The following FRMPD1 variants were observed in gnomAD, a reference collection of about 807,000 sequenced individuals.
The protein encoded by FRMPD1 is FERM and PDZ domain containing 1.
Under a neutral mutation model 117.8 loss-of-function variants are expected in FRMPD1, and 76 were observed. That is an observed-to-expected ratio of 0.65 (90% CI 0.54 to 0.78). The LOEUF (loss-of-function observed/expected upper bound fraction) is 0.78. FRMPD1 is among the 30% of genes least tolerant of loss of function. FRMPD1 has a pLI of 0.00. For synonymous variants in FRMPD1, 783 were observed against 770.4 expected, an observed-to-expected ratio of 1.02 and a Z score of -0.27; for missense variants, 1,786 against 1,964.5, an observed-to-expected ratio of 0.91 and a Z score of 1.72.
chr9:37,735,920 C>T (rs1219052535), intron 13 of FRMPD1, among the ~76,000 whole-genome samples, 186 bp downstream of exon 13: 2 of 152,038 alleles, frequency 1.3e-5, no homozygotes, highest in Non-Finnish European at 2.9e-5. Flanking sequence ...CTGAAGAGGT[C>T]CTAAAAGGTT....
At chr9:37,685,375 G>A (rs1343119203) in intron 1 of FRMPD1, among the ~76,000 whole-genome samples, 1 of 152,116 alleles carries the variant, frequency 6.6e-6, no homozygotes, top group Non-Finnish European at 1.5e-5. Flanking sequence ...TGGGCGCAGT[G>A]GCTCACGCCT....
the FRMPD1 span, among the ~76,000 whole-genome samples, chr9:37,619,912 A>AG: frequency 4.9e-5 from 7 of 143,204 alleles, no homozygotes; most frequent in African/African-American, 1.6e-4. Context: ...CTGAGTAGAC[A>AG]GGGGAAAAAA....
chr9:37,738,536 G>A (rs961527923), intron 14 of FRMPD1, among the ~76,000 whole-genome samples: 5 of 152,042 alleles, frequency 3.3e-5, no homozygotes, highest in African/African-American at 1.2e-4. Context: ...ATGGGGTTTC[G>A]CCATGTTGGT....
intron 1 of FRMPD1, among the ~76,000 whole-genome samples, chr9:37,674,564 T>C (rs1044034902): frequency 4.6e-5 from 7 of 152,140 alleles, no homozygotes; most frequent in Non-Finnish European, 8.8e-5. Flanking sequence ...CAATTTACTG[T>C]ATTAGTCTGT....
intron 2 of FRMPD1, among the ~76,000 whole-genome samples, chr9:37,703,035 A>G (rs894662400): frequency 2.6e-5 from 4 of 152,174 alleles, no homozygotes; most frequent in African/African-American, 7.2e-5. Flanking sequence ...TAGGCATGGG[A>G]GACATGGAGA....
chr9:37,607,591 A>G, the FRMPD1 span, among the ~76,000 whole-genome samples: 3 of 152,190 alleles, frequency 2.0e-5, no homozygotes, highest in East Asian at 5.8e-4. Context: ...TTAGTCATCT[A>G]TTTGTTACAC....
intron 10 of FRMPD1, among the ~76,000 whole-genome samples, 157 bp downstream of exon 10, chr9:37,732,597 C>T (rs536214050): frequency 1.3e-5 from 2 of 152,344 alleles, no homozygotes; most frequent in African/African-American, 4.8e-5. Flanking sequence ...TCTGACCTGG[C>T]TCCCCCAGAT....
intron 2 of FRMPD1, among the ~76,000 whole-genome samples, chr9:37,706,936 GTCCA>G (rs66686416): frequency 0.18 from 27,043 of 150,094 alleles, 2,905 homozygotes; most frequent in East Asian, 0.29. Context: ...CTGTCAGTCC[GTCCA>G]TCCATCCATC....
chr9:37,735,480 T>G, intron 12 of FRMPD1, 72 bp from the exon 13 acceptor site: 1 of 1,146,900 alleles, frequency 8.7e-7, no homozygotes, highest in East Asian at 2.4e-5. Context: ...GCGAGAGGTA[T>G]TATTGCTTAC....
chr9:37,625,870 G>T, the FRMPD1 span, among the ~76,000 whole-genome samples: 28 of 152,332 alleles, frequency 1.8e-4, no homozygotes, highest in African/African-American at 6.7e-4. Context: ...TGTCTGCAGC[G>T]CCTCACAAGG....
intron 15 of FRMPD1, among the ~76,000 whole-genome samples, chr9:37,743,538 T>C (rs1824525309): frequency 8.8e-6 from 1 of 113,444 alleles, no homozygotes; most frequent in South Asian, 2.8e-4. Context: ...TTTTTTTTTT[T>C]TTTTTTTTTT....
chr9:37,686,077 G>A lies in FRMPD1; in HGVS notation c.-4-6561G>A, dbSNP rs141958718. ...CACATTGTTCCAGGCAACCAGAATT[G>A]TGTTCAATTTGAGGGTCCATGCCTT... On this transcript the variant is annotated intron_variant, in intron 1 of 15. Transcript: ENST00000377765. Among the ~76,000 whole-genome samples, 257 of 152,332 alleles carry A rather than the reference G, an allele frequency of 1.7e-3. 1 individual carries two copies. The highest frequency in any genetic ancestry group is 6.0e-3 in the African/African-American group (249 of 41,562).
At chr9:37,695,791 C>T (rs904685998) in intron 2 of FRMPD1, among the ~76,000 whole-genome samples, 8 of 152,186 alleles carry the variant, frequency 5.3e-5, no homozygotes, top group Non-Finnish European at 1.2e-4. Flanking sequence ...CTCTCTCTCC[C>T]TGGGACCCCC....
chr9:37,680,747 T>C (rs372189666), intron 1 of FRMPD1, among the ~76,000 whole-genome samples: 1 of 152,292 alleles, frequency 6.6e-6, no homozygotes, highest in East Asian at 1.9e-4. Flanking sequence ...GCTGTGAGCA[T>C]TGTTTTTTCT....
chr9:37,612,344 C>CTTTTGT, the FRMPD1 span, among the ~76,000 whole-genome samples: 3 of 151,650 alleles, frequency 2.0e-5, no homozygotes, highest in East Asian at 1.9e-4. Flanking sequence ...TTTGTTTTTG[C>CTTTTGT]TTTTGTTTTT....
At chr9:37,636,183 G>T in the FRMPD1 span, among the ~76,000 whole-genome samples, 1 of 152,166 alleles carries the variant, frequency 6.6e-6, no homozygotes, top group Non-Finnish European at 1.5e-5. Context: ...GTGGGCTGCT[G>T]GGCCCCTGTG....
the FRMPD1 span, among the ~76,000 whole-genome samples, chr9:37,626,813 T>C: frequency 6.6e-6 from 1 of 151,608 alleles, no homozygotes; most frequent in South Asian, 2.1e-4. Context: ...GAAAAGTAAA[T>C]TATGGGCTTT....
chr9:37,622,043 G>C, the FRMPD1 span, among the ~76,000 whole-genome samples: 1 of 152,096 alleles, frequency 6.6e-6, no homozygotes, highest in Non-Finnish European at 1.5e-5. Flanking sequence ...CTTGCTTCTG[G>C]GGACATTTTT....
chr9:37,697,580 A>G (rs1822369957), intron 2 of FRMPD1, among the ~76,000 whole-genome samples: 1 of 152,222 alleles, frequency 6.6e-6, no homozygotes, highest in Admixed American at 6.5e-5. Flanking sequence ...AAGAAAAAAA[A>G]AAGAAAAGAA....
Sources: gnomAD v4.1 joint callset for allele counts (sites outside exome capture counted in the v4.1 genomes callset) on GRCh38, gnomAD v4.1.1 for gene constraint, MANE v1.5 for transcripts, NCBI Gene and HGNC (gene_info 2026-07-23, HGNC 2026-07-21) for gene names.